Variants in PARD3B observed in about 807,000 individuals in gnomAD.
PARD3B encodes partitioning defective 3 homolog B.
In PARD3B, 103 loss-of-function variants were observed where a neutral mutation model predicts 130.2. The observed-to-expected ratio is 0.79, with a 90% CI of 0.67 to 0.93. The LOEUF (loss-of-function observed/expected upper bound fraction) is 0.93. Ranked by LOEUF, PARD3B falls within the 40% of genes least tolerant of loss-of-function variation. PARD3B has a pLI of 0.00. For missense variants in PARD3B, 1,609 were observed against 1,499.2 expected, an observed-to-expected ratio of 1.07 and a Z score of -1.21; for synonymous variants, 583 against 553.2, an observed-to-expected ratio of 1.05 and a Z score of -0.76.
At chr2:205,031,525 C>T (rs1452760864) in intron 3 of PARD3B, among the ~76,000 whole-genome samples, 1 of 152,150 alleles carries the variant, frequency 6.6e-6, no homozygotes, top group Admixed American at 6.6e-5. Flanking sequence ...AGATACTGGC[C>T]TCTTATCAGC....
intron 1 of PARD3B, among the ~76,000 whole-genome samples, chr2:204,589,874 A>G (rs1334155862): frequency 2.0e-5 from 3 of 152,180 alleles, no homozygotes; most frequent in African/African-American, 7.2e-5. Context: ...CCTTGTTTCA[A>G]TACTTAAGAC....
intron 21 of PARD3B, among the ~76,000 whole-genome samples, chr2:205,548,720 T>C (rs75303348): frequency 5.3e-5 from 8 of 152,282 alleles, no homozygotes; most frequent in African/African-American, 1.7e-4. Context: ...ATGGTGATTT[T>C]TTTGATATAA....
At chr2:204,974,007 T>A (rs1559315727) in intron 3 of PARD3B, among the ~76,000 whole-genome samples, 1 of 152,240 alleles carries the variant, frequency 6.6e-6, no homozygotes, top group African/African-American at 2.4e-5. Context: ...AATGTATTCA[T>A]CATATGATAC....
At chr2:204,821,239 G>A (rs537745284) in intron 2 of PARD3B, among the ~76,000 whole-genome samples, 1 of 152,194 alleles carries the variant, frequency 6.6e-6, no homozygotes, top group South Asian at 2.1e-4. Flanking sequence ...TTCCCATGCT[G>A]TTCTCTTTGA....
At chr2:204,871,977 A>C (rs1444539174) in intron 2 of PARD3B, among the ~76,000 whole-genome samples, 1 of 152,108 alleles carries the variant, frequency 6.6e-6, no homozygotes, top group Admixed American at 6.6e-5. Context: ...ACAGTTCTTT[A>C]ATTATCATTT....
intron 3 of PARD3B, among the ~76,000 whole-genome samples, chr2:205,012,548 G>A (rs918719518): frequency 7.2e-5 from 11 of 152,164 alleles, no homozygotes; most frequent in Admixed American, 6.5e-5. Context: ...AGAAGAGTAG[G>A]TGAAAATGGT....
chr2:204,774,685 CT>C (rs2041536525), intron 2 of PARD3B, among the ~76,000 whole-genome samples: 1 of 152,094 alleles, frequency 6.6e-6, no homozygotes, highest in African/African-American at 2.4e-5. Flanking sequence ...GGAAAATACA[CT>C]TTGATTTATA....
intron 16 of PARD3B, among the ~76,000 whole-genome samples, chr2:205,278,718 T>G (rs1389790275): frequency 1.3e-5 from 2 of 152,186 alleles, no homozygotes; most frequent in African/African-American, 2.4e-5. Flanking sequence ...TAACTCCTTA[T>G]GAAACTTCAA....
chr2:205,602,730 A>C (rs1409877810), intron 22 of PARD3B, among the ~76,000 whole-genome samples: 1 of 151,880 alleles, frequency 6.6e-6, no homozygotes, highest in East Asian at 1.9e-4. Context: ...TTATCATTTT[A>C]TATTGTTTCT....
chr2:204,824,829 A>G (rs2043505766), intron 2 of PARD3B, among the ~76,000 whole-genome samples: 1 of 152,216 alleles, frequency 6.6e-6, no homozygotes, highest in African/African-American at 2.4e-5. Flanking sequence ...TTGAGCTTAT[A>G]GAAATAAATG....
chr2:205,178,046 C>T (rs892059563), intron 13 of PARD3B, among the ~76,000 whole-genome samples: 2 of 147,272 alleles, frequency 1.4e-5, no homozygotes, highest in Non-Finnish European at 3.0e-5. Context: ...TGGCTCACGC[C>T]TGTAATCCCA....
intron 2 of PARD3B, among the ~76,000 whole-genome samples, chr2:204,707,852 T>C (rs1450688979): frequency 6.6e-6 from 1 of 152,112 alleles, no homozygotes; most frequent in Admixed American, 6.6e-5. Flanking sequence ...GAGTTTCATG[T>C]TTTAAGCTTT....
At chr2:204,579,354 G>C (rs995740800) in intron 1 of PARD3B, among the ~76,000 whole-genome samples, 5 of 151,850 alleles carry the variant, frequency 3.3e-5, no homozygotes, top group African/African-American at 9.7e-5. Flanking sequence ...TGTGCCCCTC[G>C]AGCAGCAGTC....
intron 5 of PARD3B, among the ~76,000 whole-genome samples, chr2:205,106,481 A>ATGTGTGTGTGTG (rs202186761): frequency 6.8e-6 from 1 of 146,916 alleles, no homozygotes; most frequent in South Asian, 2.2e-4. Context: ...TAAGAAATGT[A>ATGTGTGTGTGTG]TGTGTGTGTG....
intron 2 of PARD3B, among the ~76,000 whole-genome samples, chr2:204,908,134 G>A (rs926028988): frequency 6.6e-6 from 1 of 152,078 alleles, no homozygotes; most frequent in Non-Finnish European, 1.5e-5. Flanking sequence ...TATACCAAAT[G>A]GGTGTAAACT....
At chr2:205,346,806 TAAGG>T (rs1490030307) in intron 18 of PARD3B, among the ~76,000 whole-genome samples, 1 of 152,204 alleles carries the variant, frequency 6.6e-6, no homozygotes, top group Non-Finnish European at 1.5e-5. Flanking sequence ...GCCTGATCAA[TAAGG>T]AATGACTATG....
chr2:204,555,401 T>C (rs2030849385), intron 1 of PARD3B, among the ~76,000 whole-genome samples: 2 of 151,912 alleles, frequency 1.3e-5, no homozygotes, highest in African/African-American at 2.4e-5. Context: ...CTACTAAAAA[T>C]ACAAAAATTA....
intron 11 of PARD3B, among the ~76,000 whole-genome samples, chr2:205,168,320 A>AGAGAGAGT (rs371904121): frequency 0.019 from 2,280 of 119,688 alleles, 44 homozygotes; most frequent in East Asian, 0.03. Context: ...AGAGAGAGAG[A>AGAGAGAGT]GTGTGTGTGT....
chr2:205,393,044 T>G (rs940446121), intron 18 of PARD3B, among the ~76,000 whole-genome samples: 3 of 152,168 alleles, frequency 2.0e-5, no homozygotes, highest in African/African-American at 7.2e-5. Flanking sequence ...AATGGAACCA[T>G]GTGAGATAAA....
Sources: gnomAD v4.1 joint callset for allele counts (sites outside exome capture counted in the v4.1 genomes callset) on GRCh38, gnomAD v4.1.1 for gene constraint, MANE v1.5 for transcripts, NCBI Gene and HGNC (gene_info 2026-07-23, HGNC 2026-07-21) for gene names.